Variants in TMEM132C observed in about 807,000 individuals in gnomAD.
TMEM132C encodes the protein transmembrane protein 132C.
A neutral mutation model predicts 61.4 loss-of-function variants in TMEM132C; 29 were observed. The observed-to-expected ratio is 0.47, with a 90% confidence interval of 0.35 to 0.64. TMEM132C has a LOEUF of 0.64. TMEM132C is among the 30% of genes least tolerant of loss of function. The pLI, the probability that TMEM132C is intolerant of heterozygous loss-of-function variation, is 0.00. For missense variants in TMEM132C, 1,408 were observed against 1,476.9 expected (o/e 0.95, Z 0.76); for synonymous variants, 656 against 633.1 (o/e 1.04, Z -0.54).
In TMEM132C at chr12:128,326,253, T is replaced by TC. The variant is rs1184735758; in HGVS notation, c.85+58770dup. Among the ~76,000 whole-genome samples the TC allele has an allele frequency of 6.6e-6, 1 of 152,070 alleles. No homozygotes were observed. The highest frequency in any genetic ancestry group is 2.4e-5 in the African/African-American group (1 of 41,420). On this transcript the variant is annotated intron_variant, in intron 1 of 8. Coordinates refer to ENST00000435159, the MANE Select transcript of TMEM132C (RefSeq NM_001136103.3). This position sits in a 1 kb window ranked among gnomAD's most constrained non-coding sequence, Gnocchi z 5.6. ...GTCTTGGTTTGAGCACCTCCATTCCTCCCCACCACCATCACTCCATGAACC... is the reference window on the plus strand; with the variant it reads ...GTCTTGGTTTGAGCACCTCCATTCCTCCCCCACCACCATCACTCCATGAACC...
chr12:128,680,779 G>A (rs10773567), intron 5 of TMEM132C, among the ~76,000 whole-genome samples: 78,175 of 152,076 alleles, frequency 0.51, 20,656 homozygotes, highest in African/African-American at 0.65. Context: ...TTAAGCTACA[G>A]ATAATATCCT....
At chr12:128,523,515 C>G (rs933261979) in intron 2 of TMEM132C, among the ~76,000 whole-genome samples, 1 of 152,096 alleles carries the variant, frequency 6.6e-6, no homozygotes, top group Non-Finnish European at 1.5e-5. Flanking sequence ...TCAAGCAGAG[C>G]TGGACCCAGG....
At chr12:128,624,595 G>A (rs976458418) in intron 4 of TMEM132C, among the ~76,000 whole-genome samples, 1 of 151,150 alleles carries the variant, frequency 6.6e-6, no homozygotes, top group Non-Finnish European at 1.5e-5. Flanking sequence ...CAACTCATGG[G>A]CCTGTTTCGA....
At chr12:128,528,286 T>G (rs2136133274) in intron 2 of TMEM132C, among the ~76,000 whole-genome samples, 1 of 152,322 alleles carries the variant, frequency 6.6e-6, no homozygotes, top group East Asian at 1.9e-4. Context: ...TTTGAAACTC[T>G]CCTGGACCAC....
At chr12:128,517,326 T>C (rs1480696163) in intron 2 of TMEM132C, among the ~76,000 whole-genome samples, 2 of 151,880 alleles carry the variant, frequency 1.3e-5, no homozygotes, top group Non-Finnish European at 2.9e-5. Context: ...TCCCAGCTAC[T>C]CGGGAGGCTG....
At chr12:128,432,615 T>C (rs1272791400) in intron 2 of TMEM132C, among the ~76,000 whole-genome samples, 2 of 152,172 alleles carry the variant, frequency 1.3e-5, no homozygotes, top group South Asian at 2.1e-4. Flanking sequence ...TGCAATCTCA[T>C]GATAAAATTT....
At chr12:128,688,315 C>T (rs1465746125) in intron 5 of TMEM132C, among the ~76,000 whole-genome samples, 1 of 152,208 alleles carries the variant, frequency 6.6e-6, no homozygotes, top group Non-Finnish European at 1.5e-5. Context: ...ACATTTCTCA[C>T]TCTACCTCTC....
At chr12:128,450,458 A>G (rs538453433) in intron 2 of TMEM132C, among the ~76,000 whole-genome samples, 2 of 152,292 alleles carry the variant, frequency 1.3e-5, no homozygotes, top group South Asian at 4.2e-4. Context: ...GATGAGGGTC[A>G]CCCATCAATG....
At position 128,570,385 on chromosome 12, in the gene TMEM132C, T is replaced by C. The variant is rs554985739; in HGVS notation, c.1121+26282T>C. ...GGCCTTTACAAATCTTGTTTTGACA[T>C]GCACGTCAGAGAAAAACTGCTCTGA... On this transcript the variant is annotated intron_variant, in intron 3 of 8. Transcript: ENST00000435159. This position sits in a 1 kb window ranked among gnomAD's most constrained non-coding sequence, Gnocchi z 4.7. Among the ~76,000 whole-genome samples, 2 of 152,356 alleles carry C rather than the reference T, an allele frequency of 1.3e-5. No homozygotes were observed. The highest frequency in any genetic ancestry group is 4.8e-5 in the African/African-American group (2 of 41,592).
intron 2 of TMEM132C, among the ~76,000 whole-genome samples, chr12:128,483,084 C>G (rs1476569246): frequency 2.7e-5 from 4 of 150,842 alleles, no homozygotes; most frequent in African/African-American, 9.8e-5. Flanking sequence ...TAGCAAGACC[C>G]CATCTCTGCT....
At chr12:128,413,643 A>C (rs1346469228) in intron 1 of TMEM132C, among the ~76,000 whole-genome samples, 3 of 151,450 alleles carry the variant, frequency 2.0e-5, no homozygotes, top group African/African-American at 7.3e-5. Flanking sequence ...TATATATATA[A>C]ATAATTTTAA....
At chr12:128,593,695 G>A (rs1457063399) in intron 3 of TMEM132C, among the ~76,000 whole-genome samples, 1 of 152,128 alleles carries the variant, frequency 6.6e-6, no homozygotes, top group East Asian at 1.9e-4. Context: ...CCAGCTCAGG[G>A]CATCTGCACC....
intron 5 of TMEM132C, among the ~76,000 whole-genome samples, chr12:128,692,212 C>T (rs1286106869): frequency 6.6e-6 from 1 of 152,192 alleles, no homozygotes; most frequent in Non-Finnish European, 1.5e-5. Flanking sequence ...TCATCCTTTC[C>T]TCCATCTGTC....
At chr12:128,448,294 A>G (rs1315178099) in intron 2 of TMEM132C, among the ~76,000 whole-genome samples, 2 of 152,206 alleles carry the variant, frequency 1.3e-5, no homozygotes, top group East Asian at 3.9e-4. Context: ...GACTTAGAGC[A>G]ACAACTATTT....
At chr12:128,438,494 T>G (rs1054981122) in intron 2 of TMEM132C, among the ~76,000 whole-genome samples, 1 of 152,164 alleles carries the variant, frequency 6.6e-6, no homozygotes, top group African/African-American at 2.4e-5. Context: ...TCCTGAACTT[T>G]CCAGTCATCA....
At chr12:128,481,197 G>A (rs1565948960) in intron 2 of TMEM132C, among the ~76,000 whole-genome samples, 1 of 152,196 alleles carries the variant, frequency 6.6e-6, no homozygotes, top group Non-Finnish European at 1.5e-5. Context: ...TAAGGGCAGC[G>A]GCAGGTGACA....
chr12:128,628,323 C>G (rs1954037429), intron 4 of TMEM132C, among the ~76,000 whole-genome samples: 1 of 152,202 alleles, frequency 6.6e-6, no homozygotes, highest in Admixed American at 6.5e-5. Context: ...ACGCTGAGAT[C>G]TAACCTCCTT....
At chr12:128,497,848 T>A (rs925365312) in intron 2 of TMEM132C, among the ~76,000 whole-genome samples, 4 of 152,138 alleles carry the variant, frequency 2.6e-5, no homozygotes, top group African/African-American at 9.7e-5. Context: ...CCCCAATGTC[T>A]GACAAGCCCC....
At chr12:128,381,826 G>A (rs544741374) in intron 1 of TMEM132C, among the ~76,000 whole-genome samples, 21 of 152,300 alleles carry the variant, frequency 1.4e-4, no homozygotes, top group Non-Finnish European at 2.6e-4. Flanking sequence ...CTTCTCGGAA[G>A]CTTCCCTTGC....
Sources: gnomAD v4.1 joint callset for allele counts (sites outside exome capture counted in the v4.1 genomes callset) on GRCh38, gnomAD v4.1.1 for gene constraint, Gnocchi (gnomAD v3.1) non-coding constraint, MANE v1.5 for transcripts, NCBI Gene and HGNC (gene_info 2026-07-23, HGNC 2026-07-21) for gene names.